CACNA2D1: variants seen among roughly 807,000 people sequenced by gnomAD.
CACNA2D1 encodes calcium voltage-gated channel auxiliary subunit alpha2delta 1.
CACNA2D1 carries 53 observed loss-of-function variants against 171.5 expected under a neutral mutation model. That is an observed-to-expected ratio of 0.31 (90% CI 0.25 to 0.39). CACNA2D1 has a LOEUF of 0.39. Ranked by LOEUF, CACNA2D1 falls within the 10% of genes least tolerant of loss-of-function variation. The pLI is 1.00. For synonymous variants in CACNA2D1, 442 were observed against 443.1 expected (o/e 1.00, Z 0.03); for missense variants, 903 against 1,299.8 (o/e 0.69, Z 4.69).
chr7:81,947,506 G>GTTGT lies in CACNA2D1; in HGVS notation c.*2882_*2885dup, dbSNP rs1224101353. 3 of 151,890 alleles carry GTTGT rather than the reference G, an allele frequency of 2.0e-5. No individual in the cohort carries two copies. The highest frequency in any genetic ancestry group is 4.4e-5 in the Non-Finnish European group (3 of 67,862). 9.4% of individuals were successfully genotyped at this position (151,890 alleles called of 1,614,324 possible). On this transcript the variant is annotated 3_prime_UTR_variant, in exon 39 of 39. Transcript: ENST00000356860. ...CGGTTGGTGTTTGGCAGTAATGCTG[G>GTTGT]TTGTTTAAATGAGGAAAATAAAAAG...
intron 1 of CACNA2D1, among the ~76,000 whole-genome samples, chr7:82,430,344 G>A (rs929539546): frequency 1.3e-5 from 2 of 151,284 alleles, no homozygotes; most frequent in African/African-American, 4.9e-5. Flanking sequence ...CTTGAACCCA[G>A]GAGGCGGAGG....
chr7:82,409,157 C>T (rs947907379), intron 1 of CACNA2D1, among the ~76,000 whole-genome samples: 11 of 152,048 alleles, frequency 7.2e-5, no homozygotes, highest in South Asian at 2.1e-4. Context: ...AAATAAAAGG[C>T]CAAAATCCAT....
intron 3 of CACNA2D1, among the ~76,000 whole-genome samples, chr7:82,181,876 C>T (rs1429157014): frequency 2.0e-5 from 3 of 152,004 alleles, no homozygotes; most frequent in Non-Finnish European, 2.9e-5. Context: ...ATGATATTTG[C>T]TTTTTAGACA....
At chr7:82,424,133 C>A (rs541871707) in intron 1 of CACNA2D1, among the ~76,000 whole-genome samples, 2 of 152,246 alleles carry the variant, frequency 1.3e-5, no homozygotes, top group East Asian at 3.9e-4. Context: ...CTTACTCTGA[C>A]CAGTGTTCCC....
intron 20 of CACNA2D1, among the ~76,000 whole-genome samples, chr7:81,991,823 G>A (rs186831992): frequency 6.6e-5 from 10 of 151,816 alleles, no homozygotes; most frequent in African/African-American, 2.2e-4. Context: ...TAGGTATTGC[G>A]ATGGCACATG....
At chr7:82,037,645 C>T (rs1268469383) in intron 11 of CACNA2D1, among the ~76,000 whole-genome samples, 2 of 152,104 alleles carry the variant, frequency 1.3e-5, no homozygotes, top group Non-Finnish European at 2.9e-5. Flanking sequence ...ACTTTCTGTA[C>T]ATTTTAGGAA....
intron 1 of CACNA2D1, among the ~76,000 whole-genome samples, chr7:82,431,299 T>A (rs544410871): frequency 6.6e-6 from 1 of 152,288 alleles, no homozygotes; most frequent in African/African-American, 2.4e-5. Context: ...CAATTCGTGA[T>A]CTCTTAAAGG....
At chr7:81,995,026 C>T (rs1313096396) in intron 19 of CACNA2D1, 87 bp from the exon 20 acceptor site, 1 of 735,264 alleles carries the variant, frequency 1.4e-6, no homozygotes, top group Non-Finnish European at 2.5e-6. Context: ...TTTTCAAGTT[C>T]TTTACCTTAT....
intron 1 of CACNA2D1, among the ~76,000 whole-genome samples, chr7:82,393,567 T>C (rs964158931): frequency 9.8e-5 from 15 of 152,374 alleles, no homozygotes; most frequent in African/African-American, 3.6e-4. Context: ...TGCATTCTTA[T>C]ATTTTAATAT....
At chr7:82,354,244 C>G (rs988515667) in intron 1 of CACNA2D1, among the ~76,000 whole-genome samples, 1 of 152,182 alleles carries the variant, frequency 6.6e-6, no homozygotes, top group Non-Finnish European at 1.5e-5. Flanking sequence ...ATTTAATTCA[C>G]ATGCTTTTCT....
rs145705823 is a variant in CACNA2D1, at chr7:82,073,462, G to A, written c.659-6938C>T. On this transcript the variant is annotated intron_variant, in intron 7 of 38. Transcript: ENST00000356860. ...CATAGATTGAAATGGTTTTTAAAAT[G>A]GCATATGCAAAATAAATTCTGGAAG... 5.3e-5 allele frequency among the ~76,000 whole-genome samples: 8 copies of A among 152,072 alleles called. No individual in the cohort carries two copies. The East Asian group carries it at 1.5e-3, about 29-fold the overall frequency.
At chr7:82,188,706 A>G (rs1798003914) in intron 3 of CACNA2D1, among the ~76,000 whole-genome samples, 1 of 152,138 alleles carries the variant, frequency 6.6e-6, no homozygotes, top group South Asian at 2.1e-4. Flanking sequence ...CCTACCATAG[A>G]CACATGCATG....
intron 3 of CACNA2D1, among the ~76,000 whole-genome samples, chr7:82,275,303 A>C (rs2129359106): frequency 6.6e-6 from 1 of 152,316 alleles, no homozygotes; most frequent in East Asian, 1.9e-4. Context: ...TCAAGTAATC[A>C]GAATTTCAAT....
chr7:82,188,297 G>C (rs1274592153), intron 3 of CACNA2D1, among the ~76,000 whole-genome samples: 1 of 152,104 alleles, frequency 6.6e-6, no homozygotes, highest in Non-Finnish European at 1.5e-5. Context: ...GATTTGTAAA[G>C]AAGGTAGGAA....
At chr7:82,211,371 C>G (rs905214403) in intron 3 of CACNA2D1, among the ~76,000 whole-genome samples, 7 of 152,088 alleles carry the variant, frequency 4.6e-5, no homozygotes, top group Admixed American at 1.3e-4. Flanking sequence ...ACCCTCCACC[C>G]TTAAGTAAGC....
At chr7:82,249,599 G>T (rs1029762122) in intron 3 of CACNA2D1, among the ~76,000 whole-genome samples, 4 of 152,132 alleles carry the variant, frequency 2.6e-5, no homozygotes, top group African/African-American at 9.7e-5. Flanking sequence ...TTACAAAATG[G>T]TTGGAAATAA....
intron 9 of CACNA2D1, among the ~76,000 whole-genome samples, chr7:82,063,957 C>G (rs942851272): frequency 2.6e-5 from 4 of 151,766 alleles, no homozygotes; most frequent in Non-Finnish European, 5.9e-5. Context: ...CTCCTGGGCT[C>G]AAGCAATCCT....
intron 3 of CACNA2D1, among the ~76,000 whole-genome samples, chr7:82,184,777 TAC>T (rs1797492843): frequency 6.6e-6 from 1 of 152,218 alleles, no homozygotes; most frequent in Non-Finnish European, 1.5e-5. Context: ...GTGTATGTTT[TAC>T]AGTTTATGAA....
At chr7:82,157,261 G>A (rs1422750812) in intron 4 of CACNA2D1, among the ~76,000 whole-genome samples, 1 of 152,004 alleles carries the variant, frequency 6.6e-6, no homozygotes, top group Non-Finnish European at 1.5e-5. Context: ...AAATCAAGTA[G>A]GCCATATAAA....
Sources: allele counts gnomAD v4.1 joint callset (sites outside exome capture counted in the v4.1 genomes callset), GRCh38; gene constraint gnomAD v4.1.1; transcripts MANE v1.5; gene names NCBI Gene and HGNC (gene_info 2026-07-23, HGNC 2026-07-21).